The following NIBAN2 variants were observed in gnomAD, a reference collection of about 807,000 sequenced individuals.
The protein encoded by NIBAN2 is protein Niban 2.
A neutral mutation model predicts 81.8 loss-of-function variants in NIBAN2; 36 were observed. The observed-to-expected ratio is 0.44, with a 90% CI of 0.34 to 0.58. The LOEUF is 0.58. Ranked by LOEUF, NIBAN2 falls within the 20% of genes least tolerant of loss-of-function variation. The pLI is 0.02. For missense variants in NIBAN2, 897 were observed against 1,014.1 expected, an observed-to-expected ratio of 0.88 and a Z score of 1.57; for synonymous variants, 445 against 441.6, an observed-to-expected ratio of 1.01 and a Z score of -0.10.
At chr9:127,552,558 C>T (rs1837595449) in intron 1 of NIBAN2, among the ~76,000 whole-genome samples, 1 of 151,388 alleles carries the variant, frequency 6.6e-6, no homozygotes, top group East Asian at 1.9e-4. Context: ...GCCTGGGCAA[C>T]AGAGCAAGAT....
rs200408710 is a variant in NIBAN2, at chr9:127,517,834, C to T, written c.697G>A (p.Glu233Lys). ...YGTWEMLCGN[E>K]VQILSNLVME... ...AGCCCGTCTGGCCTCACCTGCACCTCGTTCCCACACAGCATCTCCCAGGTG... is the reference window on the plus strand; with the variant it reads ...AGCCCGTCTGGCCTCACCTGCACCTTGTTCCCACACAGCATCTCCCAGGTG... The change falls in exon 6 of 14, where the codon GAG (glutamate) becomes AAG (lysine). Residue 233 changes from glutamate to lysine, a missense_variant. By Grantham distance (56) the Glu-to-Lys change is moderately conservative (BLOSUM62 1). Around this residue, in one of 3 missense-constraint regions of NIBAN2, gnomAD observed 69 missense variants for 114.7 expected, o/e 0.60. Coordinates refer to ENST00000373312, the MANE Select transcript of NIBAN2 (RefSeq NM_022833.4). The surrounding 1 kb of genome is among the most constrained non-coding windows in gnomAD (Gnocchi z 4.0). The T allele has an allele frequency of 5.6e-6, 9 of 1,613,282 alleles. No individual in the cohort carries two copies. In the East Asian group the frequency reaches 8.9e-5, roughly 16 times the overall value.
chr9:127,568,207 C>T (rs1167285477), intron 1 of NIBAN2, among the ~76,000 whole-genome samples: 2 of 152,212 alleles, frequency 1.3e-5, no homozygotes, highest in African/African-American at 4.8e-5. Context: ...GTCCCTGGGC[C>T]CCTGCTGCTA....
At position 127,507,789 on chromosome 9, in the gene NIBAN2, C is replaced by G. The variant is rs575455539; in HGVS notation, c.1654+78G>C. 3 of 1,306,648 alleles carry G rather than the reference C, an allele frequency of 2.3e-6. No homozygotes were observed. The highest frequency in any genetic ancestry group is 2.9e-5 in the African/African-American group (2 of 69,208). The allele number at this position is 1,306,648 out of a possible 1,614,324, so 80.9% of individuals were successfully genotyped here. On this transcript the variant is annotated intron_variant, in intron 13 of 13. Transcript: ENST00000373312. The surrounding 1 kb of genome is among the most constrained non-coding windows in gnomAD (Gnocchi z 6.8). Reference sequence around the variant, plus strand: ...GGCTTTTCTTTGAGCCTTAGCTGACCCCCTCAGCTGCCACCACTTCTCAGC... The same window carrying G: ...GGCTTTTCTTTGAGCCTTAGCTGACGCCCTCAGCTGCCACCACTTCTCAGC...
intron 1 of NIBAN2, among the ~76,000 whole-genome samples, chr9:127,543,312 C>T (rs1837415045): frequency 6.6e-6 from 1 of 152,200 alleles, no homozygotes; most frequent in Non-Finnish European, 1.5e-5. Flanking sequence ...ACCCGGACAA[C>T]AGCTGCAGGA....
chr9:127,548,434 G>A (rs1242338695), intron 1 of NIBAN2, among the ~76,000 whole-genome samples: 2 of 152,072 alleles, frequency 1.3e-5, no homozygotes, highest in Non-Finnish European at 2.9e-5. Flanking sequence ...CTGAGTCCTC[G>A]TCCAGCTCTG....
At chr9:127,519,222 A>G (rs988130111) in intron 5 of NIBAN2, among the ~76,000 whole-genome samples, 6 of 151,750 alleles carry the variant, frequency 4.0e-5, no homozygotes, top group Non-Finnish European at 7.4e-5. Flanking sequence ...TTTGCTATTA[A>G]TAACAGCTAG....
At chr9:127,550,810 A>T (rs768945437) in intron 1 of NIBAN2, among the ~76,000 whole-genome samples, 1 of 152,210 alleles carries the variant, frequency 6.6e-6, no homozygotes, top group East Asian at 1.9e-4. Flanking sequence ...AGAAAAGGTC[A>T]CTACCTCCTC....
At chr9:127,534,070 TTCCTGG>T (rs1837230783) in intron 1 of NIBAN2, among the ~76,000 whole-genome samples, 1 of 152,172 alleles carries the variant, frequency 6.6e-6, no homozygotes, top group African/African-American at 2.4e-5. Flanking sequence ...GGGGAGAGGC[TTCCTGG>T]TCCTAAGAAG....
intron 5 of NIBAN2, among the ~76,000 whole-genome samples, chr9:127,519,055 AT>A (rs1161072083): frequency 1.3e-5 from 2 of 151,796 alleles, no homozygotes; most frequent in African/African-American, 4.8e-5. Context: ...GGCACCTGTA[AT>A]CCCAGCTACT....
chr9:127,515,072 A>C (rs1451727401), intron 8 of NIBAN2, among the ~76,000 whole-genome samples: 1 of 152,164 alleles, frequency 6.6e-6, no homozygotes. Context: ...CAAACAATTT[A>C]AAAATTAGCC....
At chr9:127,529,366 C>T (rs1283691277) in intron 2 of NIBAN2, among the ~76,000 whole-genome samples, 4 of 152,220 alleles carry the variant, frequency 2.6e-5, no homozygotes, top group Non-Finnish European at 5.9e-5. Flanking sequence ...TAGCCGGGCG[C>T]TGTGGCTCAC....
Position 127,510,258 on chromosome 9 carries a change from A to G in NIBAN2, c.1049T>C (p.Leu350Pro). Residue 350 changes from leucine to proline, a missense_variant, in exon 9 of 14, where the codon CTG becomes CCG. Leu to Pro is a moderately conservative substitution (Grantham distance 98). Around this residue, in one of 3 missense-constraint regions of NIBAN2, gnomAD observed 619 missense variants for 691.0 expected, o/e 0.90. Transcript: ENST00000373312. ...QPYIPSILEA[L>P]MVPTSQGFTE... ...GAAGCCCTGGCTGGTGGGGACCATC[A>G]GGGCCTCCAGGATGGATGGGATGTA... 6.2e-7 allele frequency: 1 copy of G among 1,614,036 alleles called. No homozygotes were observed. Among genetic ancestry groups the G allele is most frequent in the Non-Finnish European group, 8.5e-7 (1 of 1,179,968 alleles).
chr9:127,554,319 C>T (rs984067963), intron 1 of NIBAN2, among the ~76,000 whole-genome samples: 1 of 152,126 alleles, frequency 6.6e-6, no homozygotes, highest in African/African-American at 2.4e-5. Flanking sequence ...TCCACTCACC[C>T]TTACCCCAAG....
chr9:127,550,895 G>A (rs1427812839), intron 1 of NIBAN2, among the ~76,000 whole-genome samples: 1 of 152,140 alleles, frequency 6.6e-6, no homozygotes, highest in Non-Finnish European at 1.5e-5. Flanking sequence ...AAGTGATCCA[G>A]CACCTGCAAA....
intron 1 of NIBAN2, among the ~76,000 whole-genome samples, chr9:127,565,944 TCTCA>T (rs1164158878): frequency 6.3e-5 from 7 of 110,430 alleles, no homozygotes; most frequent in African/African-American, 3.1e-4. Flanking sequence ...TCTCTCTCTC[TCTCA>T]CACACACACA....
chr9:127,564,730 G>A (rs900033844), intron 1 of NIBAN2, among the ~76,000 whole-genome samples: 4 of 151,616 alleles, frequency 2.6e-5, no homozygotes, highest in Non-Finnish European at 5.9e-5. Context: ...AAAATTAGCC[G>A]GGCATGGTGG....
At chr9:127,522,072 G>T (rs776942636) in intron 5 of NIBAN2, among the ~76,000 whole-genome samples, 3 of 152,226 alleles carry the variant, frequency 2.0e-5, no homozygotes, top group African/African-American at 7.2e-5. Context: ...CAGGCCAGGG[G>T]CTGGGGAGGC....
chr9:127,537,058 C>T (rs1230830626), intron 1 of NIBAN2, among the ~76,000 whole-genome samples: 1 of 152,232 alleles, frequency 6.6e-6, no homozygotes, highest in African/African-American at 2.4e-5. Context: ...CCTGCATTGA[C>T]TCTGCCCCAG....
At chr9:127,549,064 C>G (rs1837526067) in intron 1 of NIBAN2, among the ~76,000 whole-genome samples, 1 of 152,172 alleles carries the variant, frequency 6.6e-6, no homozygotes, top group South Asian at 2.1e-4. Flanking sequence ...GTGTGAGATG[C>G]ACCTGTCACC....
Sources: allele counts gnomAD v4.1 joint callset (sites outside exome capture counted in the v4.1 genomes callset), GRCh38; gene constraint gnomAD v4.1.1; regional missense constraint gnomAD v4.1.1; non-coding constraint Gnocchi (gnomAD v3.1); transcripts MANE v1.5; gene names NCBI Gene and HGNC (gene_info 2026-07-23, HGNC 2026-07-21).